EIF3H: variants seen among roughly 807,000 people sequenced by gnomAD.
EIF3H encodes the protein eIF-3-gamma.
A neutral mutation model predicts 44.2 loss-of-function variants in EIF3H; 26 were observed. That is an observed-to-expected ratio of 0.59 (90% CI 0.43 to 0.82). EIF3H has a LOEUF of 0.82. Among genes scored for constraint, EIF3H ranks in the 40% least tolerant of loss-of-function variants. The probability of loss-of-function intolerance (pLI) is 0.00; values close to 1 mark genes in which losing one functional copy is unlikely to be tolerated. For synonymous variants in EIF3H, 166 were observed against 151.9 expected (o/e 1.09, Z -0.68); for missense variants, 359 against 432.8 (o/e 0.83, Z 1.51).
chr8:116,725,199 CAT>C (rs1457375182), intron 2 of EIF3H, among the ~76,000 whole-genome samples: 2 of 152,194 alleles, frequency 1.3e-5, no homozygotes, highest in Non-Finnish European at 2.9e-5. Flanking sequence ...ATAAATGCCA[CAT>C]GATTCCACTA....
At chr8:116,749,548 A>C (rs746283616) in intron 1 of EIF3H, among the ~76,000 whole-genome samples, 1 of 152,242 alleles carries the variant, frequency 6.6e-6, no homozygotes, top group Non-Finnish European at 1.5e-5. Flanking sequence ...TGGGTTCAAC[A>C]TGAAAAGTTT....
intron 1 of EIF3H, among the ~76,000 whole-genome samples, chr8:116,743,913 A>C (rs1292208350): frequency 6.6e-6 from 1 of 151,632 alleles, no homozygotes; most frequent in African/African-American, 2.4e-5. Flanking sequence ...GTTGAGTTTT[A>C]GGACTACAGC....
chr8:116,657,205 A>T lies in EIF3H; in HGVS notation c.557+10T>A. On this transcript the variant is annotated intron_variant, in intron 4 of 7. Transcript: ENST00000521861. ...ACCCAACCCTTTACCAGATGCCCCCAAACACTTACGCTTCAGGGGAAAAAT... is the reference window on the plus strand; with the variant it reads ...ACCCAACCCTTTACCAGATGCCCCCTAACACTTACGCTTCAGGGGAAAAAT... The T allele has an allele frequency of 1.2e-6, 2 of 1,605,550 alleles. No homozygotes were observed.
At chr8:116,759,428 C>G (rs1815492366), upstream of EIF3H, among the ~76,000 whole-genome samples, 1 of 152,098 alleles carries the variant, frequency 6.6e-6, no homozygotes, top group African/African-American at 2.4e-5. Flanking sequence ...ATAACTCTAC[C>G]CACTAGAAAA....
chr8:116,763,029 T>C (rs1339851887), intron 1 of EIF3H, among the ~76,000 whole-genome samples: 1 of 152,224 alleles, frequency 6.6e-6, no homozygotes, highest in Admixed American at 6.5e-5. Context: ...CAGGAGTCTA[T>C]TCCTACAAAG....
At chr8:116,708,608 T>G (rs900024044) in intron 2 of EIF3H, among the ~76,000 whole-genome samples, 1 of 152,154 alleles carries the variant, frequency 6.6e-6, no homozygotes, top group Non-Finnish European at 1.5e-5. Flanking sequence ...CTGTGATTAG[T>G]GTAATTCATT....
chr8:116,688,349 A>T (rs747738709), intron 2 of EIF3H, among the ~76,000 whole-genome samples: 5 of 152,138 alleles, frequency 3.3e-5, no homozygotes, highest in Non-Finnish European at 7.4e-5. Flanking sequence ...GAATCTAGAA[A>T]TTTTACATAA....
At chr8:116,682,091 A>AAGC (rs539260566) in intron 2 of EIF3H, among the ~76,000 whole-genome samples, 54 of 152,314 alleles carry the variant, frequency 3.5e-4, no homozygotes, top group African/African-American at 1.1e-3. Flanking sequence ...AAGAGCATAA[A>AAGC]AGCAGCGTCC....
intron 2 of EIF3H, among the ~76,000 whole-genome samples, chr8:116,686,416 C>T (rs1256592357): frequency 6.6e-6 from 1 of 152,056 alleles, no homozygotes; most frequent in Non-Finnish European, 1.5e-5. Context: ...GGAGACCAAA[C>T]GTGCTCGAGT....
intron 1 of EIF3H, among the ~76,000 whole-genome samples, chr8:116,728,659 G>A (rs1438321222): frequency 6.6e-6 from 1 of 152,012 alleles, no homozygotes; most frequent in Non-Finnish European, 1.5e-5. Context: ...TCAATACTAC[G>A]AAATGAAAGT....
chr8:116,712,007 A>G (rs1000780757), intron 2 of EIF3H, among the ~76,000 whole-genome samples: 1 of 54,990 alleles, frequency 1.8e-5, no homozygotes, highest in Non-Finnish European at 1.0e-4. Flanking sequence ...CAAAAGAAGA[A>G]AGAAAGAAAA....
At chr8:116,762,735 ACCAGCCTGG>A (rs1197360475) in intron 1 of EIF3H, among the ~76,000 whole-genome samples, 6 of 152,132 alleles carry the variant, frequency 3.9e-5, no homozygotes, top group Admixed American at 6.5e-5. Context: ...GGAGTTCGAG[ACCAGCCTGG>A]CCAGCCTGGC....
chr8:116,756,073 G>T, upstream of EIF3H: 2 of 1,373,556 alleles, frequency 1.5e-6, no homozygotes, highest in Non-Finnish European at 2.0e-6. Flanking sequence ...TAGGCAAACC[G>T]TCATAATAGC....
chr8:116,736,139 G>A (rs1035725670), intron 1 of EIF3H, among the ~76,000 whole-genome samples: 1 of 152,172 alleles, frequency 6.6e-6, no homozygotes, highest in Non-Finnish European at 1.5e-5. Context: ...TGTTATGTAT[G>A]ACACATATGA....
At chr8:116,688,349 A>C (rs747738709) in intron 2 of EIF3H, among the ~76,000 whole-genome samples, 1 of 152,138 alleles carries the variant, frequency 6.6e-6, no homozygotes, top group African/African-American at 2.4e-5. Context: ...GAATCTAGAA[A>C]TTTTACATAA....
intron 2 of EIF3H, among the ~76,000 whole-genome samples, chr8:116,672,271 G>GTTTCCACTAAAAATA (rs1361158609): frequency 1.3e-4 from 20 of 152,232 alleles, no homozygotes; most frequent in African/African-American, 4.6e-4. Context: ...GAAAAAGATA[G>GTTTCCACTAAAAATA]TTTCACTAAA....
intron 2 of EIF3H, chr8:116,697,312 G>C (rs534753300): frequency 2.5e-6 from 1 of 405,076 alleles, no homozygotes; most frequent in African/African-American, 2.1e-5. Flanking sequence ...GAAAAAAATT[G>C]CATGCCTGCT....
At chr8:116,712,585 C>T (rs1184057382) in intron 2 of EIF3H, among the ~76,000 whole-genome samples, 1 of 152,054 alleles carries the variant, frequency 6.6e-6, no homozygotes, top group Non-Finnish European at 1.5e-5. Flanking sequence ...TAGAAAAAAG[C>T]ATTAAATAAT....
rs1307548095 is a variant in EIF3H, at chr8:116,761,057, A to C, written c.-27+4458T>G. ...TCTCTATCAGTTTGAATAATAATTA[A>C]ATTTCAAATGGCAGTTTGCTTTGCA... On this transcript the variant is annotated intron_variant, in intron 1 of 9. Transcript: ENST00000276682. Among the ~76,000 whole-genome samples the C allele has an allele frequency of 3.3e-5, 5 of 152,324 alleles. No individual in the cohort carries two copies. In the East Asian group the frequency reaches 9.6e-4, roughly 29 times the overall value.
Sources: gnomAD v4.1 joint callset for allele counts (sites outside exome capture counted in the v4.1 genomes callset) on GRCh38, gnomAD v4.1.1 for gene constraint, MANE v1.5 for transcripts, NCBI Gene and HGNC (gene_info 2026-07-23, HGNC 2026-07-21) for gene names.